GALNT17: variants seen among roughly 807,000 people sequenced by gnomAD.
GALNT17 encodes UDP-GalNAc:polypeptide N-acetylgalactosaminyltransferase-like 3.
In GALNT17, 29 loss-of-function variants were observed where a neutral mutation model predicts 63.7. The ratio of observed to expected loss-of-function variants is 0.46; its 90% CI spans 0.34 to 0.62. The LOEUF is 0.62. GALNT17 is among the 20% of genes least tolerant of loss of function. The pLI is 0.01. For synonymous variants in GALNT17, 305 were observed against 318.3 expected, an observed-to-expected ratio of 0.96 and a Z score of 0.45; for missense variants, 603 against 799.6, an observed-to-expected ratio of 0.75 and a Z score of 2.97.
rs147662248 is a variant in GALNT17, at chr7:71,466,547, C to T, written c.962+45442C>T. On this transcript the variant is annotated intron_variant, in intron 5 of 10. Transcript: ENST00000333538. ...GTTTCTTGTGGGGGAAATTTGCATT[C>T]TGTAGAGAATTCCCTTCCCTTCCTA... Among the ~76,000 whole-genome samples the T allele has an allele frequency of 1.2e-3, 177 of 152,286 alleles. 2 individuals carry two copies. The highest frequency in any genetic ancestry group is 4.1e-3 in the African/African-American group (171 of 41,550).
intron 1 of GALNT17, among the ~76,000 whole-genome samples, chr7:71,314,751 A>G (rs974132777): frequency 6.6e-6 from 1 of 152,098 alleles, no homozygotes; most frequent in Non-Finnish European, 1.5e-5. Flanking sequence ...GAAATTAAAA[A>G]CAAATATTAG....
At chr7:71,710,740 G>T in intron 9 of GALNT17, 21 bp from the exon 10 acceptor site, 19 of 1,610,520 alleles carry the variant, frequency 1.2e-5, no homozygotes, top group Non-Finnish European at 1.6e-5. Flanking sequence ...CCATTCCCCT[G>T]CTGCTCTGGT....
chr7:71,681,787 A>G lies in GALNT17; in HGVS notation c.1500+4481A>G, dbSNP rs112705633. On this transcript the variant is annotated intron_variant, in intron 9 of 10. Transcript: ENST00000333538. ...GGCATAATCAAAAACTGCTCCAAGG[A>G]CGTCCACTTGTCCTATGAATGTGGA... is the stretch of plus-strand genomic sequence containing the variant. 5.5e-3 allele frequency among the ~76,000 whole-genome samples: 845 copies of G among 152,334 alleles called. 10 individuals are homozygous for G. The highest frequency in any genetic ancestry group is 0.019 in the African/African-American group (800 of 41,588).
Position 71,568,121 on chromosome 7 carries a change from C to T in GALNT17, c.963-3164C>T, listed in dbSNP as rs146120437. On this transcript the variant is annotated intron_variant, in intron 5 of 10. Coordinates refer to ENST00000333538, the MANE Select transcript of GALNT17 (RefSeq NM_022479.3). ...TCTTTTGCCCAGGGAAGCACCTTAA[C>T]GGTGTTTCTGGCCTTTGGCAGTGGG... Among the ~76,000 whole-genome samples, 420 of 152,324 alleles carry T rather than the reference C, an allele frequency of 2.8e-3. 6 individuals are homozygous for T. Among genetic ancestry groups the T allele is most frequent in the African/African-American group, 9.4e-3 (390 of 41,568 alleles).
At chr7:71,484,962 CTT>C (rs779772231) in intron 5 of GALNT17, among the ~76,000 whole-genome samples, 90 of 47,574 alleles carry the variant, frequency 1.9e-3, no homozygotes, top group Middle Eastern at 0.02. Context: ...CCACACCTGG[CTT>C]TTTTTTTTTT....
At chr7:71,611,287 C>A (rs990687690) in intron 6 of GALNT17, among the ~76,000 whole-genome samples, 1 of 152,084 alleles carries the variant, frequency 6.6e-6, no homozygotes, top group African/African-American at 2.4e-5. Context: ...GAAATCTGTC[C>A]TCTGGGGTGG....
chr7:71,684,971 G>A (rs1008256722), intron 9 of GALNT17, among the ~76,000 whole-genome samples: 1 of 98,724 alleles, frequency 1.0e-5, no homozygotes, highest in Non-Finnish European at 2.6e-5. Flanking sequence ...GGCACCACCT[G>A]CTTTTTTTTT....
At chr7:71,227,091 A>G (rs1789693227) in intron 1 of GALNT17, among the ~76,000 whole-genome samples, 1 of 144,224 alleles carries the variant, frequency 6.9e-6, no homozygotes, top group Non-Finnish European at 1.5e-5. Context: ...TAATCCCAGC[A>G]CTTTGGGAGG....
At chr7:71,460,490 A>C (rs2116578452) in intron 5 of GALNT17, among the ~76,000 whole-genome samples, 1 of 152,338 alleles carries the variant, frequency 6.6e-6, no homozygotes, top group Non-Finnish European at 1.5e-5. Context: ...TAGATCTCAC[A>C]CCATATAATG....
intron 1 of GALNT17, among the ~76,000 whole-genome samples, chr7:71,296,625 A>C (rs1014813291): frequency 1.0e-4 from 11 of 106,782 alleles, no homozygotes; most frequent in Admixed American, 6.5e-4. Flanking sequence ...AAAAAAAAAA[A>C]CAACTATATA....
intron 3 of GALNT17, among the ~76,000 whole-genome samples, chr7:71,398,897 C>G (rs922209455): frequency 6.6e-6 from 1 of 152,148 alleles, no homozygotes; most frequent in Non-Finnish European, 1.5e-5. Flanking sequence ...GTTGGACTTA[C>G]TGGATTTGAC....
intron 6 of GALNT17, among the ~76,000 whole-genome samples, chr7:71,622,424 A>G (rs1584096061): frequency 6.6e-6 from 1 of 152,320 alleles, no homozygotes; most frequent in African/African-American, 2.4e-5. Flanking sequence ...GAGTCTTCAA[A>G]GATATCTTCT....
intron 1 of GALNT17, among the ~76,000 whole-genome samples, chr7:71,172,174 C>G (rs1788558399): frequency 6.6e-6 from 1 of 152,036 alleles, no homozygotes; most frequent in African/African-American, 2.4e-5. Flanking sequence ...TTCATCATAA[C>G]TATGGATGAG....
At chr7:71,659,499 G>A (rs2117035791) in intron 6 of GALNT17, among the ~76,000 whole-genome samples, 1 of 152,208 alleles carries the variant, frequency 6.6e-6, no homozygotes, top group South Asian at 2.1e-4. Context: ...GGAATAGCTG[G>A]GCCTCTATTG....
intron 1 of GALNT17, chr7:71,300,596 G>A (rs1484081499): frequency 4.4e-5 from 14 of 318,906 alleles, no homozygotes; most frequent in South Asian, 2.2e-4. Context: ...ACATGCATGC[G>A]CGTGCACATA....
chr7:71,237,991 T>C (rs1174364972), intron 1 of GALNT17, among the ~76,000 whole-genome samples: 1 of 152,098 alleles, frequency 6.6e-6, no homozygotes, highest in Non-Finnish European at 1.5e-5. Context: ...GAGTGAAAAA[T>C]ATCCACTTTA....
At chr7:71,267,367 GTTTTT>G (rs11297482) in intron 1 of GALNT17, among the ~76,000 whole-genome samples, 2 of 146,348 alleles carry the variant, frequency 1.4e-5, no homozygotes, top group Non-Finnish European at 3.0e-5. Flanking sequence ...GGATTTTCTA[GTTTTT>G]TTTTTTTTTT....
intron 5 of GALNT17, among the ~76,000 whole-genome samples, chr7:71,546,327 A>C (rs913083972): frequency 1.3e-5 from 2 of 151,812 alleles, no homozygotes; most frequent in Non-Finnish European, 2.9e-5. Context: ...CTCCTGGCTA[A>C]TTTTTATAAT....
At chr7:71,657,503 A>G (rs1033936253) in intron 6 of GALNT17, among the ~76,000 whole-genome samples, 6 of 152,130 alleles carry the variant, frequency 3.9e-5, no homozygotes, top group Non-Finnish European at 8.8e-5. Flanking sequence ...CCTCAGTGAC[A>G]GGTGCCCAGG....
Sources: allele counts gnomAD v4.1 joint callset (sites outside exome capture counted in the v4.1 genomes callset), GRCh38; gene constraint gnomAD v4.1.1; transcripts MANE v1.5; gene names NCBI Gene and HGNC (gene_info 2026-07-23, HGNC 2026-07-21).